Variants in TNFAIP1 observed in about 807,000 individuals in gnomAD.
TNFAIP1 encodes the protein BTB/POZ domain-containing adapter for CUL3-mediated RhoA degradation protein 2.
Under a neutral mutation model 32.6 loss-of-function variants are expected in TNFAIP1, and 20 were observed. The ratio of observed to expected loss-of-function variants is 0.61; its 90% CI spans 0.43 to 0.89. The LOEUF is 0.89. Ranked by LOEUF, TNFAIP1 falls within the 40% of genes least tolerant of loss-of-function variation. The probability of loss-of-function intolerance (pLI) is 0.00; values close to 1 mark genes in which losing one functional copy is unlikely to be tolerated. For missense variants in TNFAIP1, 319 were observed against 425.1 expected (o/e 0.75, Z 2.20); for synonymous variants, 166 against 166.8 (o/e 1.00, Z 0.04).
In TNFAIP1 at chr17:28,346,623, C is replaced by A. The variant is rs544391362; in HGVS notation, c.*2023C>A. On this transcript the variant is annotated 3_prime_UTR_variant, in exon 7 of 7. Coordinates refer to ENST00000226225, the MANE Select transcript of TNFAIP1 (RefSeq NM_021137.5). Reference sequence around the variant, plus strand: ...TCTTAAGGAAAATACTAACATTGAACTCACTGACATGATCTTAGCTTCTTT... The same window carrying A: ...TCTTAAGGAAAATACTAACATTGAAATCACTGACATGATCTTAGCTTCTTT... 3.3e-5 allele frequency: 5 copies of A among 152,342 alleles called. No homozygotes were observed. In the South Asian group the frequency reaches 1.0e-3, roughly 32 times the overall value. 9.4% of individuals were successfully genotyped at this position (152,342 alleles called of 1,614,324 possible).
intron 1 of TNFAIP1, among the ~76,000 whole-genome samples, chr17:28,339,073 A>T (rs560959553): frequency 1.5e-4 from 22 of 150,774 alleles, no homozygotes; most frequent in African/African-American, 4.6e-4. Flanking sequence ...TCTACCAAAA[A>T]AAAAAAAAAA....
Position 28,342,180 on chromosome 17 carries a change from C to G in TNFAIP1, c.519-67C>G, listed in dbSNP as rs1907385631. On this transcript the variant is annotated intron_variant, in intron 5 of 6. Coordinates refer to ENST00000226225, the MANE Select transcript of TNFAIP1 (RefSeq NM_021137.5). The surrounding 1 kb of genome is among the most constrained non-coding windows in gnomAD (Gnocchi z 4.0). ...GGAAGGGAGGGAGGGGAGGGCCCCA[C>G]TTGTCTAGCACCCTCCCTTGGACTG... 1 of 1,397,164 alleles carries G rather than the reference C, an allele frequency of 7.2e-7. No homozygotes were observed. The highest frequency in any genetic ancestry group is 1.4e-5 in the African/African-American group (1 of 70,738). The allele number at this position is 1,397,164 out of a possible 1,614,324, so 86.5% of individuals were successfully genotyped here.
Position 28,344,437 on chromosome 17 carries a change from A to C in TNFAIP1, c.788A>C (p.Asp263Ala), listed in dbSNP as rs1555578605. 1 of 1,613,810 alleles carries C rather than the reference A, an allele frequency of 6.2e-7. No individual in the cohort carries two copies. The highest frequency in any genetic ancestry group is 1.3e-5 in the African/African-American group (1 of 74,892). ...CTCTATGAGACTCCCCGCGTCCCCG[A>C]CAACTCCTTGTTGGAGGCCACAAGC... Reference protein sequence around the residue: ...VLLYETPRVPDNSLLEATSRS... With the variant: ...VLLYETPRVPANSLLEATSRS... The change falls in exon 7 of 7, where the codon GAC becomes GCC. Residue 263 changes from aspartate (D) to alanine (A), a missense_variant. By Grantham distance (126) the Asp-to-Ala change is moderately radical. Transcript: ENST00000226225.
At chr17:28,344,293 C>G in intron 6 of TNFAIP1, 71 bp from the exon 7 acceptor site, 1 of 1,405,744 alleles carries the variant, frequency 7.1e-7, no homozygotes, top group African/African-American at 1.4e-5. Flanking sequence ...AGCCTCAGGG[C>G]CAGCCGCTCT....
intron 6 of TNFAIP1, among the ~76,000 whole-genome samples, chr17:28,343,175 TC>T (rs1907425376): frequency 6.6e-6 from 1 of 151,996 alleles, no homozygotes; most frequent in Non-Finnish European, 1.5e-5. Context: ...AAATAAAATC[TC>T]CTTACTGGCC....
rs1555578012 is a variant in TNFAIP1, at chr17:28,340,502, G to A, written c.375+24G>A. The stretch of plus-strand genomic sequence containing the variant: ...AGGTACATGGGTGGGGCGGAGCAGG[G>A]CGGGCAGATGAGGTCAGGAGTTGCC... On this transcript the variant is annotated intron_variant, in intron 3 of 6. Transcript: ENST00000226225. The surrounding 1 kb of genome is among the most constrained non-coding windows in gnomAD (Gnocchi z 4.1). 6.2e-7 allele frequency: 1 copy of A among 1,611,990 alleles called. No individual in the cohort carries two copies.
chr17:28,344,218 G>A (rs1555578558), intron 6 of TNFAIP1, 146 bp from the exon 7 acceptor site: 30 of 718,150 alleles, frequency 4.2e-5, no homozygotes, highest in Non-Finnish European at 7.2e-5. Context: ...GCCTTCGGAG[G>A]GAGGCTGGCT....
rs1354046177 is a variant in TNFAIP1 at position 28,346,915 on chromosome 17, G to T, written c.*2315G>T. 2 of 152,228 alleles carry T rather than the reference G, an allele frequency of 1.3e-5. No individual in the cohort carries two copies. The highest frequency in any genetic ancestry group is 6.5e-5 in the Admixed American group (1 of 15,284). The allele number at this position is 152,228 out of a possible 1,614,324, so 9.4% of individuals were successfully genotyped here. A position where few individuals can be genotyped will look rare whatever the true frequency, so the allele number is the denominator to read the frequency against. On this transcript the variant is annotated 3_prime_UTR_variant, in exon 7 of 7. Transcript: ENST00000226225. ...GATGGCGCAGGTCCTGGGCAGGAAA[G>T]AATTTTTCCTTTATCACATAACTGT...
chr17:28,340,615 A>T lies in TNFAIP1; in HGVS notation c.375+137A>T. On this transcript the variant is annotated intron_variant, in intron 3 of 6. Coordinates refer to ENST00000226225, the MANE Select transcript of TNFAIP1 (RefSeq NM_021137.5). The surrounding 1 kb of genome is among the most constrained non-coding windows in gnomAD (Gnocchi z 4.1). ...GTGCAAACCTAATGAGACAAGTGAG[A>T]TGCCACCCAGGCCCACCAACCTGGC... 1 of 997,308 alleles carries T rather than the reference A, an allele frequency of 1.0e-6. No homozygotes were observed. The highest frequency in any genetic ancestry group is 1.4e-6 in the Non-Finnish European group (1 of 691,348). The allele number at this position is 997,308 out of a possible 1,614,324, so 61.8% of individuals were successfully genotyped here. A position where few individuals can be genotyped will look rare whatever the true frequency, so the allele number is the denominator to read the frequency against.
In TNFAIP1 at chr17:28,339,658, T is replaced by A. The variant is rs782690877; in HGVS notation, c.137T>A (p.Leu46Gln). 1.2e-6 allele frequency: 2 copies of A among 1,612,988 alleles called. No homozygotes were observed. Among genetic ancestry groups the A allele is most frequent in the Non-Finnish European group, 1.7e-6 (2 of 1,179,894 alleles). The change falls in exon 2 of 7, where the codon CTG becomes CAG. Residue 46 changes from leucine to glutamine, a missense_variant. Coordinates refer to ENST00000226225, the MANE Select transcript of TNFAIP1 (RefSeq NM_021137.5). ...CTGTACTACACCACTGTGCGGGCCC[T>A]GACCCGCCACGACACCATGCTCAAG... ...GSLYYTTVRA[L>Q]TRHDTMLKAM...
chr17:28,344,283 A>T, intron 6 of TNFAIP1, 81 bp from the exon 7 acceptor site: 1 of 1,254,990 alleles, frequency 8.0e-7, no homozygotes, highest in Non-Finnish European at 1.2e-6. Context: ...GGCCTTATGG[A>T]GCCTCAGGGC....
rs1250280636 is a variant in TNFAIP1 at position 28,346,957 on chromosome 17, G to A, written c.*2357G>A. ...CATAACTGTAATATTTGGTTGCTCA[G>A]CATAAGTGATGGAAGCAAACACTAA... On this transcript the variant is annotated 3_prime_UTR_variant, in exon 7 of 7. Transcript: ENST00000226225. 1 of 152,208 alleles carries A rather than the reference G, an allele frequency of 6.6e-6. No homozygotes were observed. Among genetic ancestry groups the A allele is most frequent in the Non-Finnish European group, 1.5e-5 (1 of 68,050 alleles). 9.4% of individuals were successfully genotyped at this position (152,208 alleles called of 1,614,324 possible).
rs781841927 is a variant in TNFAIP1 at position 28,344,538 on chromosome 17, G to A, written c.889G>A (p.Val297Ile). The change falls in exon 7 of 7, where the codon GTC becomes ATC. Residue 297 changes from valine (V) to isoleucine (I), a missense_variant. Coordinates refer to ENST00000226225, the MANE Select transcript of TNFAIP1 (RefSeq NM_021137.5). Reference sequence around the variant, plus strand: ...GCGGGACCGTGTCCGCCGCATCCACGTCAAGCGCTACAGCACTTACGATGA... The same window carrying A: ...GCGGGACCGTGTCCGCCGCATCCACATCAAGCGCTACAGCACTTACGATGA... ...ELRDRVRRIHVKRYSTYDDRQ... is the reference protein window; with the variant it reads ...ELRDRVRRIHIKRYSTYDDRQ... 21 of 1,613,722 alleles carry A rather than the reference G, an allele frequency of 1.3e-5. No homozygotes were observed. The highest frequency in any genetic ancestry group is 1.6e-4 in the Middle Eastern group (1 of 6,082).
Position 28,342,194 on chromosome 17 carries a change from T to A in TNFAIP1, c.519-53T>A, listed in dbSNP as rs1907386302. On this transcript the variant is annotated intron_variant, in intron 5 of 6. Transcript: ENST00000226225. This position sits in a 1 kb window ranked among gnomAD's most constrained non-coding sequence, Gnocchi z 4.0. Reference sequence around the variant, plus strand: ...GGAGGGCCCCACTTGTCTAGCACCCTCCCTTGGACTGGAACCTCACTCCCA... The same window carrying A: ...GGAGGGCCCCACTTGTCTAGCACCCACCCTTGGACTGGAACCTCACTCCCA... 6.8e-7 allele frequency: 1 copy of A among 1,469,772 alleles called. No homozygotes were observed. 91.0% of individuals were successfully genotyped at this position (1,469,772 alleles called of 1,614,324 possible).
At position 28,344,952 on chromosome 17, in the gene TNFAIP1, A is replaced by G. The variant is rs1379248156; in HGVS notation, c.*352A>G. The G allele has an allele frequency of 2.0e-5, 6 of 305,818 alleles. No homozygotes were observed. Among genetic ancestry groups the G allele is most frequent in the Non-Finnish European group, 3.8e-5 (6 of 159,742 alleles). The allele number at this position is 305,818 out of a possible 1,614,324, so 18.9% of individuals were successfully genotyped here. On this transcript the variant is annotated 3_prime_UTR_variant, in exon 7 of 7. Coordinates refer to ENST00000226225, the MANE Select transcript of TNFAIP1 (RefSeq NM_021137.5). ...GCCCCTTAGGCCTCAGCTGGGGGAA[A>G]GGCAGTTCTGGTGCTGTAGAGGCCC...
chr17:28,339,333 G>A (rs1212326258), intron 1 of TNFAIP1, 75 bp from the exon 2 acceptor site: 2 of 501,798 alleles, frequency 4.0e-6, no homozygotes, highest in African/African-American at 3.9e-5. Flanking sequence ...AATGAGTACG[G>A]TCGTGTTTCT....
Position 28,342,347 on chromosome 17 carries a change from G to T in TNFAIP1, c.619G>T (p.Glu207Ter), listed in dbSNP as rs1907395297. 1 of 1,607,658 alleles carries T rather than the reference G, an allele frequency of 6.2e-7. No homozygotes were observed. The highest frequency in any genetic ancestry group is 1.7e-5 in the Admixed American group (1 of 59,946). The change falls in exon 6 of 7, where the codon GAG (glutamate) becomes TAG (stop). Residue 207 changes from glutamate (E) to a stop codon, truncating the protein, a stop_gained. Coordinates refer to ENST00000226225, the MANE Select transcript of TNFAIP1 (RefSeq NM_021137.5). LOFTEE classifies it high-confidence loss of function. This position sits in a 1 kb window ranked among gnomAD's most constrained non-coding sequence, Gnocchi z 4.0. ...CTTCATCAAGGATGTCATTGGTGAC[G>T]AGATCTGCTGCTGGTCCTTTTATGG... Reference protein sequence around the residue: ...VLFIKDVIGDEICCWSFYGQG... With the variant: ...VLFIKDVIGD
Position 28,344,521 on chromosome 17 carries a change from G to C in TNFAIP1, c.872G>C (p.Arg291Pro). Reference sequence around the variant, plus strand: ...GAGGAGACCTTTGAACTGCGGGACCGTGTCCGCCGCATCCACGTCAAGCGC... The same window carrying C: ...GAGGAGACCTTTGAACTGCGGGACCCTGTCCGCCGCATCCACGTCAAGCGC... ...EDEETFELRD[R>P]VRRIHVKRYS... Residue 291 changes from arginine to proline, a missense_variant, in exon 7 of 7, where the codon CGT becomes CCT. Transcript: ENST00000226225. The C allele has an allele frequency of 6.2e-7, 1 of 1,613,806 alleles. No homozygotes were observed. The highest frequency in any genetic ancestry group is 8.5e-7 in the Non-Finnish European group (1 of 1,180,032).
Position 28,344,607 on chromosome 17 carries a change from C to A in TNFAIP1, c.*7C>A. 1 of 1,610,950 alleles carries A rather than the reference C, an allele frequency of 6.2e-7. No individual in the cohort carries two copies. The highest frequency in any genetic ancestry group is 1.1e-5 in the South Asian group (1 of 91,080). Reference sequence around the variant, plus strand: ...GTCTACCCATCGCGACTGACCAGACCCTCAGGGAGTCAGGGCACGGGAGGC... The same window carrying A: ...GTCTACCCATCGCGACTGACCAGACACTCAGGGAGTCAGGGCACGGGAGGC... On this transcript the variant is annotated 3_prime_UTR_variant, in exon 7 of 7. Coordinates refer to ENST00000226225, the MANE Select transcript of TNFAIP1 (RefSeq NM_021137.5).
Sources: allele counts gnomAD v4.1 joint callset (sites outside exome capture counted in the v4.1 genomes callset), GRCh38; gene constraint gnomAD v4.1.1; non-coding constraint Gnocchi (gnomAD v3.1); transcripts MANE v1.5; gene names NCBI Gene and HGNC (gene_info 2026-07-23, HGNC 2026-07-21).